UTRN: variants seen among roughly 807,000 people sequenced by gnomAD.
UTRN encodes the protein utrophin.
A neutral mutation model predicts 463.9 loss-of-function variants in UTRN; 283 were observed. The ratio of observed to expected loss-of-function variants is 0.61; its 90% CI spans 0.55 to 0.67. UTRN has a LOEUF of 0.67. UTRN is among the 30% of genes least tolerant of loss of function. UTRN has a pLI of 0.00. For synonymous variants in UTRN, 1,442 were observed against 1,431.5 expected (o/e 1.01, Z -0.17); for missense variants, 3,922 against 4,084.3 (o/e 0.96, Z 1.08).
intron 52 of UTRN, among the ~76,000 whole-genome samples, chr6:144,681,967 T>C (rs1394327956): frequency 2.6e-5 from 4 of 152,226 alleles, no homozygotes; most frequent in Non-Finnish European, 5.9e-5. Flanking sequence ...CCTCAAGCAT[T>C]TATCTTTTGT....
At chr6:144,386,291 G>C (rs985231612) in intron 2 of UTRN, among the ~76,000 whole-genome samples, 1 of 151,994 alleles carries the variant, frequency 6.6e-6, no homozygotes. Context: ...GCGAAACCTC[G>C]TGTCTACAGA....
intron 51 of UTRN, among the ~76,000 whole-genome samples, chr6:144,667,717 T>A (rs1442530498): frequency 6.6e-6 from 1 of 152,178 alleles, no homozygotes; most frequent in East Asian, 1.9e-4. Context: ...CCAAAGAACT[T>A]TTCAGCGGAA....
chr6:144,501,059 G>C (rs1198994475), intron 34 of UTRN, among the ~76,000 whole-genome samples: 1 of 152,184 alleles, frequency 6.6e-6, no homozygotes, highest in Non-Finnish European at 1.5e-5. Context: ...TGCTTACTTT[G>C]AATGCTCTGT....
At chr6:144,445,209 G>C (rs1787543420) in intron 14 of UTRN, among the ~76,000 whole-genome samples, 1 of 152,018 alleles carries the variant, frequency 6.6e-6, no homozygotes, top group Non-Finnish European at 1.5e-5. Context: ...AAATAAGCCA[G>C]GTGTGGCGGT....
chr6:144,730,178 C>T (rs1453959774), intron 53 of UTRN, among the ~76,000 whole-genome samples, 179 bp from the exon 54 acceptor site: 1 of 151,878 alleles, frequency 6.6e-6, no homozygotes, highest in East Asian at 1.9e-4. Flanking sequence ...ATCTTTTTTC[C>T]TTTGTATTTT....
In UTRN at chr6:144,491,005, GCAA is replaced by G. The variant is rs764578374; in HGVS notation, c.4341_4343del (p.Cys1447_Lys1448delinsTrp). On this transcript the variant is annotated inframe_deletion, in exon 32 of 75. Transcript: ENST00000367545. The stretch of plus-strand genomic sequence containing the variant: ...AACTTCGAGCAGCGCATGCTGGACT[GCAA>G]GCGTGTGCTGGATGGCGTGAAAGCA... 1 of 1,614,086 alleles carries G rather than the reference GCAA, an allele frequency of 6.2e-7. No homozygotes were observed. The highest frequency in any genetic ancestry group is 1.1e-5 in the South Asian group (1 of 91,058).
intron 34 of UTRN, among the ~76,000 whole-genome samples, chr6:144,501,625 A>G (rs893484008): frequency 4.6e-5 from 7 of 151,882 alleles, no homozygotes; most frequent in African/African-American, 1.7e-4. Context: ...TTCATTCTTA[A>G]TTTTTTTATT....
intron 2 of UTRN, among the ~76,000 whole-genome samples, chr6:144,300,383 C>A (rs886877565): frequency 6.6e-6 from 1 of 152,198 alleles, no homozygotes; most frequent in Non-Finnish European, 1.5e-5. Flanking sequence ...AGCCATGGTT[C>A]CCGGCCTCTT....
At chr6:144,543,406 T>C (rs1798147158) in intron 46 of UTRN, among the ~76,000 whole-genome samples, 1 of 152,204 alleles carries the variant, frequency 6.6e-6, no homozygotes, top group African/African-American at 2.4e-5. Flanking sequence ...TTTCCTTCTC[T>C]CTTTATCCAG....
At chr6:144,720,596 G>A (rs1054678621) in intron 53 of UTRN, among the ~76,000 whole-genome samples, 2 of 152,146 alleles carry the variant, frequency 1.3e-5, no homozygotes, top group Non-Finnish European at 2.9e-5. Context: ...GCCATTTCAC[G>A]GCTTCATTTA....
chr6:144,794,160 G>A (rs1034422732), intron 63 of UTRN, among the ~76,000 whole-genome samples, 169 bp downstream of exon 63: 2 of 152,282 alleles, frequency 1.3e-5, no homozygotes, highest in Middle Eastern at 3.4e-3. Flanking sequence ...TCAAAAAATA[G>A]CAACCCTTGC....
intron 2 of UTRN, among the ~76,000 whole-genome samples, chr6:144,317,560 C>T (rs1312141399): frequency 6.6e-6 from 1 of 152,030 alleles, no homozygotes; most frequent in African/African-American, 2.4e-5. Flanking sequence ...CCATGCCTAG[C>T]TAATTTCTGT....
intron 51 of UTRN, among the ~76,000 whole-genome samples, chr6:144,634,675 C>G (rs1225668158): frequency 6.6e-6 from 1 of 152,170 alleles, no homozygotes; most frequent in Non-Finnish European, 1.5e-5. Context: ...TAGCTATTAT[C>G]TCCGCATCCC....
chr6:144,529,852 A>C (rs1218500985), intron 41 of UTRN, among the ~76,000 whole-genome samples: 1 of 152,126 alleles, frequency 6.6e-6, no homozygotes, highest in Non-Finnish European at 1.5e-5. Context: ...ACTCAGCTCC[A>C]TTACTCTTAA....
chr6:144,710,940 T>C (rs1430466235), intron 53 of UTRN, among the ~76,000 whole-genome samples: 2 of 152,238 alleles, frequency 1.3e-5, no homozygotes, highest in African/African-American at 4.8e-5. Flanking sequence ...ATTATTTTTT[T>C]CGTGTAAGTA....
At chr6:144,805,918 A>G (rs1320659168) in intron 65 of UTRN, among the ~76,000 whole-genome samples, 2 of 152,128 alleles carry the variant, frequency 1.3e-5, no homozygotes, top group Admixed American at 6.5e-5. Flanking sequence ...AAGAAAGGCA[A>G]CTATCAGATT....
Position 144,436,032 on chromosome 6 carries a change from T to G in UTRN, c.953T>G (p.Leu318Trp). The change falls in exon 10 of 75, where the codon TTG becomes TGG. Residue 318 changes from leucine to tryptophan, a missense_variant. Transcript: ENST00000367545. ...GATCTGGACAGCTATCAGATTGCGTTGGAGGAAGTGCTGACCTGGTTGCTT... is the reference window on the plus strand; with the variant it reads ...GATCTGGACAGCTATCAGATTGCGTGGGAGGAAGTGCTGACCTGGTTGCTT... ...DMDLDSYQIA[L>W]EEVLTWLLSA... is the part of the protein sequence containing the mutation. 1 of 1,614,220 alleles carries G rather than the reference T, an allele frequency of 6.2e-7. No homozygotes were observed. Among genetic ancestry groups the G allele is most frequent in the Non-Finnish European group, 8.5e-7 (1 of 1,180,040 alleles).
intron 73 of UTRN, among the ~76,000 whole-genome samples, chr6:144,842,141 C>T (rs1045021645): frequency 2.2e-4 from 32 of 142,540 alleles, no homozygotes; most frequent in African/African-American, 7.2e-4. Flanking sequence ...AAAAGCCATC[C>T]GAAATGATGA....
chr6:144,567,022 C>T (rs1333086421), intron 50 of UTRN, among the ~76,000 whole-genome samples: 1 of 151,996 alleles, frequency 6.6e-6, no homozygotes, highest in African/African-American at 2.4e-5. Flanking sequence ...TGACACATGC[C>T]TGTGGTCCCA....
Sources: allele counts gnomAD v4.1 joint callset (sites outside exome capture counted in the v4.1 genomes callset), GRCh38; gene constraint gnomAD v4.1.1; transcripts MANE v1.5; gene names NCBI Gene and HGNC (gene_info 2026-07-23, HGNC 2026-07-21).